KARS1: variants seen among roughly 807,000 people sequenced by gnomAD.
KARS1 encodes the protein lysyl-tRNA synthetase 1, also known as lysine--tRNA ligase.
Under a neutral mutation model 63.9 loss-of-function variants are expected in KARS1, and 50 were observed. The observed-to-expected ratio is 0.78, with a 90% CI of 0.62 to 0.99. KARS1 has a LOEUF of 0.99. Among genes scored for constraint, KARS1 ranks in the 50% least tolerant of loss-of-function variants. The probability of loss-of-function intolerance (pLI) is 0.00; values close to 1 mark genes in which losing one functional copy is unlikely to be tolerated. For missense variants in KARS1, 816 were observed against 754.5 expected, an observed-to-expected ratio of 1.08 and a Z score of -0.95; for synonymous variants, 320 against 264.6, an observed-to-expected ratio of 1.21 and a Z score of -2.03.
chr16:75,628,865 C>A, intron 12 of KARS1, 153 bp from the exon 13 acceptor site: 1 of 789,198 alleles, frequency 1.3e-6, no homozygotes, highest in South Asian at 1.5e-5. Flanking sequence ...CTAGTAACTC[C>A]AAGATGCAGC....
chr16:75,641,219 G>A (rs1173302782), intron 2 of KARS1, among the ~76,000 whole-genome samples: 1 of 110,610 alleles, frequency 9.0e-6, no homozygotes, highest in Non-Finnish European at 1.6e-5. Context: ...GTGGGGGCAT[G>A]GAGAGTGGGT....
intron 1 of KARS1, chr16:75,647,347 G>A: frequency 1.6e-6 from 1 of 623,876 alleles, no homozygotes; most frequent in East Asian, 2.7e-5. Context: ...TTAACTCTAG[G>A]AGTATGATAG....
intron 3 of KARS1, among the ~76,000 whole-genome samples, chr16:75,637,999 A>C (rs969618020): frequency 6.6e-6 from 1 of 152,118 alleles, no homozygotes. Flanking sequence ...ACATGCCACA[A>C]AAACAAGAGG....
chr16:75,634,273 T>A lies in KARS1; in HGVS notation c.815A>T (p.Asn272Ile). The A allele has an allele frequency of 6.2e-7, 1 of 1,614,018 alleles. No homozygotes were observed. The highest frequency in any genetic ancestry group is 8.5e-7 in the Non-Finnish European group (1 of 1,179,940). The change falls in exon 7 of 14, where the codon AAC (asparagine) becomes ATC (isoleucine). Residue 272 changes from asparagine (N) to isoleucine (I), a missense_variant. By Grantham distance (149) the Asn-to-Ile change is moderately radical (BLOSUM62 -3). Transcript: ENST00000302445. ...GFLEIETPMM[N>I]IIPGGAVAKP... is the part of the protein sequence containing the mutation. ...GGCCACGGCTCCCCCTGGGATGATG[T>A]TCATCATGGGAGTTTCAATCTAAAA...
At chr16:75,638,472 G>A (rs1215525664) in intron 3 of KARS1, among the ~76,000 whole-genome samples, 2 of 151,936 alleles carry the variant, frequency 1.3e-5, no homozygotes, top group Admixed American at 1.3e-4. Context: ...ACTTATGAGT[G>A]AGTACGTGCC....
chr16:75,628,733 A>G, intron 12 of KARS1, 21 bp from the exon 13 acceptor site: 2 of 1,613,912 alleles, frequency 1.2e-6, no homozygotes, highest in Non-Finnish European at 1.7e-6. Flanking sequence ...AAAGAGAACC[A>G]AAAGGTGACC....
intron 3 of KARS1, among the ~76,000 whole-genome samples, chr16:75,637,647 C>T (rs908658721): frequency 2.6e-5 from 4 of 151,882 alleles, no homozygotes; most frequent in East Asian, 3.9e-4. Context: ...GGCGTGGTGG[C>T]GCATGCCTGT....
At chr16:75,641,794 T>A (rs552726549) in intron 1 of KARS1, 71 bp from the exon 2 acceptor site, 1 of 1,533,098 alleles carries the variant, frequency 6.5e-7, no homozygotes, top group South Asian at 1.1e-5. Context: ...CCCTAGCAAC[T>A]TATCAAAAAC....
rs1172517003 is a variant in KARS1 at position 75,640,318 on chromosome 16, T to C, written c.254A>G (p.His85Arg). The change falls in exon 3 of 14, where the codon CAT (histidine) becomes CGT (arginine). Residue 85 changes from histidine to arginine, a missense_variant. Physicochemically the swap from His to Arg is conservative, Grantham distance 29 (BLOSUM62 0). Coordinates refer to ENST00000302445, the MANE Select transcript of KARS1 (RefSeq NM_005548.3). ...GTCTTCCCCATTGACCTTCAGCTGA[T>C]GAATTGCTTGACTGCGGATTTTGTA... ...QYYKIRSQAI[H>R]QLKVNGEDPY... is the part of the protein sequence containing the mutation. 10 of 1,610,758 alleles carry C rather than the reference T, an allele frequency of 6.2e-6. No individual in the cohort carries two copies. Among genetic ancestry groups the C allele is most frequent in the Non-Finnish European group, 8.5e-6 (10 of 1,179,768 alleles).
At chr16:75,629,608 C>CTT in intron 11 of KARS1, 67 bp from the exon 12 acceptor site, 1 of 1,560,126 alleles carries the variant, frequency 6.4e-7, no homozygotes, top group Non-Finnish European at 8.8e-7. Context: ...TTTGTTTTTT[C>CTT]TTTTTTTTTG....
chr16:75,629,109 C>A (rs1035302979), intron 12 of KARS1: 5 of 470,048 alleles, frequency 1.1e-5, no homozygotes, highest in Admixed American at 1.0e-4. Context: ...TCTCTACCTA[C>A]CTCCCAGCCC....
intron 12 of KARS1, 123 bp downstream of exon 12, chr16:75,629,292 A>AG: frequency 8.0e-7 from 1 of 1,242,636 alleles, no homozygotes; most frequent in East Asian, 2.3e-5. Flanking sequence ...TCCTCCAGCA[A>AG]GCCTATGGCT....
At chr16:75,646,597 C>T (rs73615082) in intron 1 of KARS1, among the ~76,000 whole-genome samples, 22,814 of 151,830 alleles carry the variant, frequency 0.15, 3,243 homozygotes, top group African/African-American at 0.38. Context: ...GGTCTGGCTC[C>T]GTCTCAGTAA....
At chr16:75,646,856 C>T (rs2082291275) in intron 1 of KARS1, among the ~76,000 whole-genome samples, 1 of 152,042 alleles carries the variant, frequency 6.6e-6, no homozygotes, top group South Asian at 2.1e-4. Context: ...ATCTTCCTAG[C>T]AATGATAAAA....
In KARS1 at chr16:75,632,843, A is replaced by G. The variant is rs921759990; in HGVS notation, c.916-988T>C. Among the ~76,000 whole-genome samples, 5 of 152,216 alleles carry G rather than the reference A, an allele frequency of 3.3e-5. No individual in the cohort carries two copies. In the East Asian group the frequency reaches 9.6e-4, roughly 29 times the overall value. Reference sequence around the variant, plus strand: ...GGGGAAAGTTATAAGGAATAGTCACAAACCTTTTGGAAGGCCGAAAGGTTA... The same window carrying G: ...GGGGAAAGTTATAAGGAATAGTCACGAACCTTTTGGAAGGCCGAAAGGTTA... On this transcript the variant is annotated intron_variant, in intron 7 of 13. Coordinates refer to ENST00000302445, the MANE Select transcript of KARS1 (RefSeq NM_005548.3).
At chr16:75,633,277 A>G (rs564521489) in intron 7 of KARS1, among the ~76,000 whole-genome samples, 23 of 152,314 alleles carry the variant, frequency 1.5e-4, no homozygotes, top group African/African-American at 5.5e-4. Flanking sequence ...AAAACAGAGT[A>G]TCTGTGTTTC....
chr16:75,639,831 C>A, intron 3 of KARS1: 1 of 207,702 alleles, frequency 4.8e-6, no homozygotes, highest in East Asian at 1.2e-4. Context: ...ACCCAAGATA[C>A]TACAACTCCA....
At chr16:75,647,273 G>A (rs562258943) in intron 1 of KARS1, among the ~76,000 whole-genome samples, 103 of 152,340 alleles carry the variant, frequency 6.8e-4, no homozygotes, top group Non-Finnish European at 1.2e-3. Context: ...AAGCTAAGCA[G>A]GAAGTTTCGC....
intron 7 of KARS1, among the ~76,000 whole-genome samples, chr16:75,633,163 T>C (rs2082130218): frequency 6.6e-6 from 1 of 152,216 alleles, no homozygotes; most frequent in Non-Finnish European, 1.5e-5. Flanking sequence ...TGTTGTTAAT[T>C]CTATACTAAA....
Sources: gnomAD v4.1 joint callset for allele counts (sites outside exome capture counted in the v4.1 genomes callset) on GRCh38, gnomAD v4.1.1 for gene constraint, MANE v1.5 for transcripts, NCBI Gene and HGNC (gene_info 2026-07-23, HGNC 2026-07-21) for gene names.